The following GLMN variants were observed in gnomAD, a reference collection of about 807,000 sequenced individuals.
The protein encoded by GLMN is glomulin.
Under a neutral mutation model 87.8 loss-of-function variants are expected in GLMN, and 75 were observed. The observed-to-expected ratio is 0.85, with a 90% CI of 0.71 to 1.04. The LOEUF (loss-of-function observed/expected upper bound fraction) is 1.04, where lower values mean the gene tolerates loss of function less well. Among genes scored for constraint, GLMN ranks in the 50% least tolerant of loss-of-function variants. The pLI, the probability that GLMN is intolerant of heterozygous loss-of-function variation, is 0.00. For synonymous variants in GLMN, 206 were observed against 221.6 expected, an observed-to-expected ratio of 0.93 and a Z score of 0.63; for missense variants, 588 against 658.8, an observed-to-expected ratio of 0.89 and a Z score of 1.18.
At chr1:92,261,185 T>A (rs1251147829) in intron 16 of GLMN, among the ~76,000 whole-genome samples, 1 of 152,246 alleles carries the variant, frequency 6.6e-6, no homozygotes, top group African/African-American at 2.4e-5. Flanking sequence ...GAATCAGGAT[T>A]TAGTTTGTGA....
At chr1:92,299,053 T>C, upstream of GLMN, 3 of 1,427,102 alleles carry the variant, frequency 2.1e-6, no homozygotes, top group Non-Finnish European at 2.8e-6. Context: ...CGTGTCCCCG[T>C]CCGGCAGACT....
chr1:92,295,131 G>A (rs928657744), intron 3 of GLMN, among the ~76,000 whole-genome samples: 6 of 152,270 alleles, frequency 3.9e-5, no homozygotes, highest in Middle Eastern at 3.4e-3. Context: ...AAAATAAAAC[G>A]CTAAGGCATG....
intron 2 of GLMN, 180 bp downstream of exon 2, chr1:92,297,781 A>G (rs924994084): frequency 2.5e-5 from 16 of 628,140 alleles, no homozygotes; most frequent in Non-Finnish European, 8.5e-6. Context: ...GGTTATTTAG[A>G]TAAGTATGTC....
chr1:92,327,154 CAG>C, the GLMN span, among the ~76,000 whole-genome samples: 1 of 152,198 alleles, frequency 6.6e-6, no homozygotes, highest in African/African-American at 2.4e-5. Context: ...AATATTCTCT[CAG>C]ACCACAGTGG....
At chr1:92,367,884 A>G in the GLMN span, among the ~76,000 whole-genome samples, 687 of 152,370 alleles carry the variant, frequency 4.5e-3, 2 homozygotes, top group South Asian at 0.028. Flanking sequence ...GAAATAAATT[A>G]TGAACGCTCA....
At chr1:92,356,585 ATT>A in the GLMN span, among the ~76,000 whole-genome samples, 4,108 of 51,768 alleles carry the variant, frequency 0.079, 145 homozygotes, top group Middle Eastern at 0.17. Context: ...CTCCTGGCTA[ATT>A]TTTTTTTTTT....
At chr1:92,248,521 C>T (rs1652991785) in intron 16 of GLMN, 1 of 152,858 alleles carries the variant, frequency 6.5e-6, no homozygotes, top group Non-Finnish European at 1.5e-5. Flanking sequence ...AGAGTTTATT[C>T]CAAGAGCATT....
At chr1:92,285,558 AC>A (rs1266053386) in intron 7 of GLMN, among the ~76,000 whole-genome samples, 1 of 152,204 alleles carries the variant, frequency 6.6e-6, no homozygotes, top group African/African-American at 2.4e-5. Context: ...GCACATGTAT[AC>A]CTATGTAACA....
intron 7 of GLMN, among the ~76,000 whole-genome samples, chr1:92,281,956 G>A (rs904089903): frequency 2.0e-5 from 3 of 152,164 alleles, no homozygotes; most frequent in African/African-American, 7.2e-5. Context: ...CAATACAGGA[G>A]CACCCAGGTT....
chr1:92,336,215 G>C, the GLMN span: 6 of 653,378 alleles, frequency 9.2e-6, no homozygotes, highest in Non-Finnish European at 1.6e-5. Context: ...CATAACCTAG[G>C]TTAACCTTTA....
intron 16 of GLMN, among the ~76,000 whole-genome samples, chr1:92,256,084 C>G (rs1157296582): frequency 6.6e-6 from 1 of 152,038 alleles, no homozygotes; most frequent in Non-Finnish European, 1.5e-5. Context: ...ACTGATCCCA[C>G]AGAAATACAA....
the GLMN span, among the ~76,000 whole-genome samples, chr1:92,364,981 C>T: frequency 2.6e-5 from 4 of 152,186 alleles, no homozygotes; most frequent in African/African-American, 9.7e-5. Context: ...ACCTTATTTC[C>T]CTTTTATGTC....
chr1:92,357,639 C>G, the GLMN span, among the ~76,000 whole-genome samples: 1 of 152,324 alleles, frequency 6.6e-6, no homozygotes, highest in South Asian at 2.1e-4. Context: ...TCAAGTGATT[C>G]TTGTGCCTCA....
At position 92,264,616 on chromosome 1, in the gene GLMN, G is replaced by A. The variant is rs1434959874; in HGVS notation, c.1237C>T (p.His413Tyr). 2 of 1,581,694 alleles carry A rather than the reference G, an allele frequency of 1.3e-6. No homozygotes were observed. Among genetic ancestry groups the A allele is most frequent in the East Asian group, 4.5e-5 (2 of 44,604 alleles). The change falls in exon 14 of 19, where the codon CAC becomes TAC. Residue 413 changes from histidine (H) to tyrosine (Y), a missense_variant. Physicochemically the swap from His to Tyr is moderately conservative, Grantham distance 83 (BLOSUM62 2). Transcript: ENST00000370360. ...ATAATAAAAGCCTCCACACCTGAGT[G>A]ATTACTTGTATTCAATAAGCACCTT... ...LFRCLLNTSN[H>Y]SGVEAFIIQN...
Position 92,271,573 on chromosome 1 carries a change from A to G in GLMN, c.815T>C (p.Leu272Pro). ...HGRKKRTWNY[L>P]EFEEEENKQL... is the part of the protein sequence containing the mutation. Reference sequence around the variant, plus strand: ...TTTATTTTCTTCTTCTTCAAATTCAAGGTAATTCCAAGTTCTCTTTTTCCT... The same window carrying G: ...TTTATTTTCTTCTTCTTCAAATTCAGGGTAATTCCAAGTTCTCTTTTTCCT... The change falls in exon 8 of 19, where the codon CTT becomes CCT. Residue 272 changes from leucine (L) to proline (P), a missense_variant. Coordinates refer to ENST00000370360, the MANE Select transcript of GLMN (RefSeq NM_053274.3). The G allele has an allele frequency of 6.2e-7, 1 of 1,611,496 alleles. No homozygotes were observed. Among genetic ancestry groups the G allele is most frequent in the African/African-American group, 1.3e-5 (1 of 74,952 alleles).
chr1:92,332,251 A>T, the GLMN span, among the ~76,000 whole-genome samples: 1 of 151,692 alleles, frequency 6.6e-6, no homozygotes, highest in Non-Finnish European at 1.5e-5. Context: ...CTATGCTTTT[A>T]TGTCTCCCCA....
chr1:92,350,855 C>A, the GLMN span, among the ~76,000 whole-genome samples: 8 of 152,008 alleles, frequency 5.3e-5, no homozygotes, highest in Non-Finnish European at 1.0e-4. Flanking sequence ...TCACTTGAAC[C>A]CAGGAGGCAA....
chr1:92,290,455 A>C, intron 4 of GLMN, 149 bp from the exon 5 acceptor site: 2 of 636,584 alleles, frequency 3.1e-6, no homozygotes, highest in Non-Finnish European at 2.8e-6. Context: ...TGTTGAAAAA[A>C]TATGCATGAG....
intron 1 of GLMN, among the ~76,000 whole-genome samples, chr1:92,298,644 G>A (rs902325695): frequency 2.2e-4 from 33 of 152,128 alleles, no homozygotes; most frequent in Admixed American, 2.2e-3. Flanking sequence ...CGGCCTTCAG[G>A]AGGAGACCAT....
Sources: gnomAD v4.1 joint callset for allele counts (sites outside exome capture counted in the v4.1 genomes callset) on GRCh38, gnomAD v4.1.1 for gene constraint, MANE v1.5 for transcripts, NCBI Gene and HGNC (gene_info 2026-07-23, HGNC 2026-07-21) for gene names.